Variants in DLG2 observed in about 807,000 individuals in gnomAD.
The protein encoded by DLG2 is discs large MAGUK scaffold protein 2.
In DLG2, 45 loss-of-function variants were observed where a neutral mutation model predicts 132.5. That is an observed-to-expected ratio of 0.34 (90% CI 0.27 to 0.44). The LOEUF (loss-of-function observed/expected upper bound fraction) is 0.44. DLG2 is among the 20% of genes least tolerant of loss of function. DLG2 has a pLI of 1.00. For missense variants in DLG2, 1,045 were observed against 1,196.9 expected, an observed-to-expected ratio of 0.87 and a Z score of 1.87; for synonymous variants, 424 against 419.6, an observed-to-expected ratio of 1.01 and a Z score of -0.13.
chr11:84,858,695 C>T (rs1470583738), intron 6 of DLG2, among the ~76,000 whole-genome samples: 1 of 152,020 alleles, frequency 6.6e-6, no homozygotes, highest in Non-Finnish European at 1.5e-5. Flanking sequence ...GAGACAAGTA[C>T]TCAAACAAGT....
At chr11:83,805,956 C>A (rs781772188) in intron 17 of DLG2, among the ~76,000 whole-genome samples, 11 of 152,130 alleles carry the variant, frequency 7.2e-5, no homozygotes, top group Non-Finnish European at 1.0e-4. Context: ...TGCTAGAGTT[C>A]AATGTCCTAC....
At chr11:85,380,519 G>C (rs1241433625) in intron 3 of DLG2, among the ~76,000 whole-genome samples, 1 of 152,156 alleles carries the variant, frequency 6.6e-6, no homozygotes, top group Non-Finnish European at 1.5e-5. Flanking sequence ...AATTTACTGG[G>C]CGTGGTGGCA....
At chr11:84,093,336 T>C (rs2097123584) in intron 10 of DLG2, among the ~76,000 whole-genome samples, 1 of 152,188 alleles carries the variant, frequency 6.6e-6, no homozygotes, top group Non-Finnish European at 1.5e-5. Flanking sequence ...TGGGGGCCTC[T>C]GTCTGCTCCT....
intron 6 of DLG2, among the ~76,000 whole-genome samples, chr11:85,062,117 G>C (rs2064208557): frequency 6.6e-6 from 1 of 151,690 alleles, no homozygotes; most frequent in Non-Finnish European, 1.5e-5. Flanking sequence ...CTAAAGCTAG[G>C]CCTCTTTCAT....
rs140475576 is a variant in DLG2, at chr11:83,928,756, C to T, written c.1496+1572G>A. 2.6e-3 allele frequency among the ~76,000 whole-genome samples: 399 copies of T among 152,196 alleles called. 2 individuals are homozygous for T. Among genetic ancestry groups the T allele is most frequent in the African/African-American group, 9.4e-3 (389 of 41,534 alleles). ...ATTTGTAAAACAAAGATAATAATAA[C>T]ATCTACCTCAAAAAATTATTGTGAG... On this transcript the variant is annotated intron_variant, in intron 15 of 27. Transcript: ENST00000376104.
At chr11:85,213,558 G>T (rs2082385033) in intron 4 of DLG2, among the ~76,000 whole-genome samples, 1 of 152,256 alleles carries the variant, frequency 6.6e-6, no homozygotes, top group East Asian at 1.9e-4. Flanking sequence ...TTATTATCCA[G>T]ATGAAGCCTA....
At chr11:83,613,958 C>T (rs906063947) in intron 19 of DLG2, among the ~76,000 whole-genome samples, 3 of 152,074 alleles carry the variant, frequency 2.0e-5, no homozygotes, top group African/African-American at 7.2e-5. Context: ...TGCTTCTTAC[C>T]TCGAGCTAAG....
At chr11:85,172,274 C>T (rs961976760) in intron 4 of DLG2, among the ~76,000 whole-genome samples, 5 of 152,232 alleles carry the variant, frequency 3.3e-5, no homozygotes, top group African/African-American at 1.2e-4. Flanking sequence ...ACCCTCTTTG[C>T]TGTTTCACAG....
At chr11:85,094,705 C>G (rs2069428079) in intron 6 of DLG2, among the ~76,000 whole-genome samples, 1 of 152,192 alleles carries the variant, frequency 6.6e-6, no homozygotes, top group Admixed American at 6.5e-5. Context: ...TTTGATCTAT[C>G]TAGACAATTA....
intron 19 of DLG2, among the ~76,000 whole-genome samples, chr11:83,545,237 A>G (rs1379801317): frequency 6.6e-6 from 1 of 152,162 alleles, no homozygotes; most frequent in African/African-American, 2.4e-5. Context: ...TTAACTGTAA[A>G]ACTGGCATAA....
chr11:84,294,067 C>T (rs1166599285), intron 7 of DLG2, among the ~76,000 whole-genome samples: 2 of 152,094 alleles, frequency 1.3e-5, no homozygotes, highest in Admixed American at 1.3e-4. Flanking sequence ...ATACAGTACA[C>T]CATTCACCTT....
intron 7 of DLG2, among the ~76,000 whole-genome samples, chr11:84,314,641 C>T (rs1213106674): frequency 1.3e-5 from 2 of 151,970 alleles, no homozygotes; most frequent in Admixed American, 6.5e-5. Context: ...TTTGGAAGAA[C>T]AAGCTGATAT....
chr11:84,633,524 C>T lies in DLG2; in HGVS notation c.358-98793G>A, dbSNP rs2099635646. Among the ~76,000 whole-genome samples, 3 of 152,216 alleles carry T rather than the reference C, an allele frequency of 2.0e-5. No individual in the cohort carries two copies. The South Asian group carries it at 6.2e-4, about 32-fold the overall frequency. ...CATTTCTTGACTGCCTCCTCTTCCCCTATCCCTGGATGATAGGAATCTGTC... is the reference window on the plus strand; with the variant it reads ...CATTTCTTGACTGCCTCCTCTTCCCTTATCCCTGGATGATAGGAATCTGTC... On this transcript the variant is annotated intron_variant, in intron 6 of 27. Coordinates refer to ENST00000376104, the MANE Select transcript of DLG2 (RefSeq NM_001142699.3).
At chr11:85,437,556 C>G (rs1264991568) in intron 3 of DLG2, among the ~76,000 whole-genome samples, 1 of 151,954 alleles carries the variant, frequency 6.6e-6, no homozygotes, top group Non-Finnish European at 1.5e-5. Flanking sequence ...CCTCAGTGAC[C>G]TAGTAGGGGA....
chr11:84,462,145 T>C (rs2099082045), intron 7 of DLG2, among the ~76,000 whole-genome samples: 1 of 150,890 alleles, frequency 6.6e-6, no homozygotes, highest in Admixed American at 6.6e-5. Context: ...TTCTATAATT[T>C]ATAATTAATA....
intron 6 of DLG2, among the ~76,000 whole-genome samples, chr11:84,850,544 T>C (rs1277953201): frequency 6.6e-6 from 1 of 152,164 alleles, no homozygotes; most frequent in Non-Finnish European, 1.5e-5. Flanking sequence ...TACTGGAATA[T>C]CTAGCCAGGG....
At chr11:83,860,506 T>C (rs2061283980) in intron 16 of DLG2, among the ~76,000 whole-genome samples, 1 of 152,146 alleles carries the variant, frequency 6.6e-6, no homozygotes, top group African/African-American at 2.4e-5. Context: ...ATTTCTCCCA[T>C]TGAGAATGGC....
At chr11:84,094,821 T>C (rs2097144401) in intron 10 of DLG2, among the ~76,000 whole-genome samples, 1 of 152,304 alleles carries the variant, frequency 6.6e-6, no homozygotes, top group African/African-American at 2.4e-5. Flanking sequence ...ATTAAGGCCA[T>C]AGCAATTTAT....
chr11:84,203,803 C>T (rs959640057), intron 8 of DLG2, among the ~76,000 whole-genome samples: 2 of 151,940 alleles, frequency 1.3e-5, no homozygotes, highest in African/African-American at 4.8e-5. Flanking sequence ...GAGGGAATGC[C>T]TCAGGAAGAA....
Sources: allele counts gnomAD v4.1 joint callset (sites outside exome capture counted in the v4.1 genomes callset), GRCh38; gene constraint gnomAD v4.1.1; transcripts MANE v1.5; gene names NCBI Gene and HGNC (gene_info 2026-07-23, HGNC 2026-07-21).